DPP8: variants seen among roughly 807,000 people sequenced by gnomAD.
DPP8 encodes dipeptidyl peptidase 8, also known as DPP VIII.
In DPP8, 31 loss-of-function variants were observed where a neutral mutation model predicts 107.5. The ratio of observed to expected loss-of-function variants is 0.29; its 90% CI spans 0.22 to 0.39. The LOEUF (loss-of-function observed/expected upper bound fraction) is 0.39. DPP8 is among the 10% of genes least tolerant of loss of function. The pLI is 1.00. For synonymous variants in DPP8, 381 were observed against 356.6 expected, an observed-to-expected ratio of 1.07 and a Z score of -0.77; for missense variants, 842 against 1,076.1, an observed-to-expected ratio of 0.78 and a Z score of 3.04.
chr15:65,504,363 CAA>C (rs1180567373), intron 3 of DPP8, among the ~76,000 whole-genome samples: 12 of 84,186 alleles, frequency 1.4e-4, no homozygotes, highest in Admixed American at 2.8e-4. Flanking sequence ...AACTCCATCT[CAA>C]AAAAAAAAAA....
rs1326385783 is a variant in DPP8 at position 65,448,895 on chromosome 15, T to C, written c.2527-1889A>G. ...ATATATATATATATATATATATATA[T>C]ATATATATATATATATATATATATA... On this transcript the variant is annotated intron_variant, in intron 19 of 19. Coordinates refer to ENST00000300141, the MANE Select transcript of DPP8 (RefSeq NM_130434.5). Among the ~76,000 whole-genome samples the C allele has an allele frequency of 6.5e-3, 528 of 81,362 alleles. 52 individuals are homozygous for C. The highest frequency in any genetic ancestry group is 0.018 in the African/African-American group (379 of 20,862). The allele number at this position is 81,362 out of a possible 152,430, so 53.4% of individuals were successfully genotyped here.
intron 8 of DPP8, among the ~76,000 whole-genome samples, chr15:65,482,241 G>C (rs1211493638): frequency 1.3e-5 from 2 of 151,882 alleles, no homozygotes; most frequent in African/African-American, 4.8e-5. Flanking sequence ...TAGAGATGGA[G>C]TCTCCCTATG....
At chr15:65,455,489 C>T (rs1033268367) in intron 16 of DPP8, 1 of 234,520 alleles carries the variant, frequency 4.3e-6, no homozygotes. Context: ...CTCTTGAGGC[C>T]CTGTCTTCTT....
intron 16 of DPP8, chr15:65,455,867 A>G (rs1370469986): frequency 7.7e-7 from 1 of 1,295,128 alleles, no homozygotes; most frequent in South Asian, 1.2e-5. Context: ...GGCTTGTCAC[A>G]AGGAAGGCAC....
Position 65,458,253 on chromosome 15 carries a change from T to C in DPP8, c.1972-1882A>G, listed in dbSNP as rs147910725. Among the ~76,000 whole-genome samples the C allele has an allele frequency of 3.5e-3, 530 of 151,318 alleles. 2 individuals carry two copies. Among genetic ancestry groups the C allele is most frequent in the Admixed American group, 4.0e-3 (61 of 15,272 alleles). On this transcript the variant is annotated intron_variant, in intron 15 of 19. Transcript: ENST00000300141. ...GCACATTCTAGGAAACATAAGTATT[T>C]GTTACACAAACTTTTTTTGTTTTTT...
At position 65,471,074 on chromosome 15, in the gene DPP8, T is replaced by C. The variant is rs556781892; in HGVS notation, c.1536+3135A>G. Reference sequence around the variant, plus strand: ...GATCAGATGTATGCAATTACAATTATTGGGGTTCCCTCAGCATTATGTAAT... The same window carrying C: ...GATCAGATGTATGCAATTACAATTACTGGGGTTCCCTCAGCATTATGTAAT... On this transcript the variant is annotated intron_variant, in intron 12 of 19. Transcript: ENST00000300141. Among the ~76,000 whole-genome samples, 16 of 152,330 alleles carry C rather than the reference T, an allele frequency of 1.1e-4. 1 individual carries two copies. The highest frequency in any genetic ancestry group is 6.2e-4 in the South Asian group (3 of 4,824).
chr15:65,481,967 AAT>A (rs34958127), intron 8 of DPP8, among the ~76,000 whole-genome samples: 38,735 of 148,734 alleles, frequency 0.26, 6,509 homozygotes, highest in African/African-American at 0.49. Flanking sequence ...TTCACCTAGA[AAT>A]ATATATATAT....
At chr15:65,480,474 T>G (rs2066820704) in intron 9 of DPP8, 75 bp from the exon 10 acceptor site, 1 of 1,053,110 alleles carries the variant, frequency 9.5e-7, no homozygotes, top group Non-Finnish European at 1.4e-6. Context: ...TTATCTCCTT[T>G]GGCACCTATC....
At chr15:65,513,636 T>C (rs2071080796) in intron 1 of DPP8, among the ~76,000 whole-genome samples, 2 of 152,262 alleles carry the variant, frequency 1.3e-5, no homozygotes, top group African/African-American at 4.8e-5. Flanking sequence ...AAGTAGTTGA[T>C]ACAGAAAGCA....
In DPP8 at chr15:65,495,991, C is replaced by CT. The variant is rs1182608384; in HGVS notation, c.715+1872dup. ...TTAACAATGATTTTCTTTCTTTTTT[C>CT]TTTTTTTTTTTAGACGGAGTGTCCC... On this transcript the variant is annotated intron_variant, in intron 5 of 19. Transcript: ENST00000300141. Among the ~76,000 whole-genome samples the CT allele has an allele frequency of 7.2e-3, 1,046 of 145,066 alleles. 9 individuals are homozygous for CT. Among genetic ancestry groups the CT allele is most frequent in the Admixed American group, 8.1e-3 (117 of 14,458 alleles).
At chr15:65,461,886 A>C (rs574807670) in intron 15 of DPP8, among the ~76,000 whole-genome samples, 34 of 150,082 alleles carry the variant, frequency 2.3e-4, no homozygotes, top group African/African-American at 6.8e-4. Flanking sequence ...GGCTTGAGCC[A>C]TCGCGCACAG....
chr15:65,493,499 A>G (rs1173629099), intron 5 of DPP8, among the ~76,000 whole-genome samples: 1 of 152,182 alleles, frequency 6.6e-6, no homozygotes, highest in African/African-American at 2.4e-5. Context: ...ATGAATAGGC[A>G]CACTACACAG....
Position 65,451,993 on chromosome 15 carries a change from G to C in DPP8, c.2381C>G (p.Ser794Cys). ...GAACTTTTCTGCTTGCATGGCCACA[G>C]ATCCTAAGTAATAGCCCTGTTCATT... ...DQNEQGYYLG[S>C]VAMQAEKFPS... The change falls in exon 18 of 20, where the codon TCT (serine) becomes TGT (cysteine). Residue 794 changes from serine to cysteine, a missense_variant. Ser to Cys is a moderately radical substitution (Grantham distance 112). Around this residue, in one of 2 missense-constraint regions of DPP8, gnomAD observed 179 missense variants for 318.0 expected, o/e 0.56. Transcript: ENST00000300141. 2.5e-6 allele frequency: 4 copies of C among 1,608,770 alleles called. No homozygotes were observed. Among genetic ancestry groups the C allele is most frequent in the Non-Finnish European group, 3.4e-6 (4 of 1,178,124 alleles).
In DPP8 at chr15:65,454,391, C is replaced by G. The variant is rs778351830; in HGVS notation, c.2143G>C (p.Val715Leu). The stretch of plus-strand genomic sequence containing the variant: ...GAAGCTAGATATTGGAGTCCTTCCA[C>G]CTGATCGTCAATTTCTATTTGACCC... ...KMGQIEIDDQVEGLQYLASRY... is the reference protein window; with the variant it reads ...KMGQIEIDDQLEGLQYLASRY... Residue 715 changes from valine to leucine, a missense_variant, in exon 17 of 20, where the codon GTG (valine) becomes CTG (leucine). This residue lies in a region of DPP8 where 179 missense variants were observed against 318.0 expected (regional missense o/e 0.56). Coordinates refer to ENST00000300141, the MANE Select transcript of DPP8 (RefSeq NM_130434.5). 6.3e-7 allele frequency: 1 copy of G among 1,598,042 alleles called. No individual in the cohort carries two copies. Among genetic ancestry groups the G allele is most frequent in the East Asian group, 2.3e-5 (1 of 43,812 alleles).
At chr15:65,515,635 A>T in intron 1 of DPP8, 1 of 1,610,770 alleles carries the variant, frequency 6.2e-7, no homozygotes, top group South Asian at 1.1e-5. Flanking sequence ...TCGTCACTTA[A>T]GTAGTTTCCC....
intron 15 of DPP8, among the ~76,000 whole-genome samples, chr15:65,457,446 C>T (rs527521658): frequency 6.6e-6 from 1 of 152,064 alleles, no homozygotes; most frequent in African/African-American, 2.4e-5. Flanking sequence ...CTCAGTGCTG[C>T]CTCAAATTCC....
intron 14 of DPP8, among the ~76,000 whole-genome samples, chr15:65,465,717 G>A (rs762273868): frequency 7.3e-5 from 11 of 151,170 alleles, no homozygotes; most frequent in South Asian, 4.2e-4. Flanking sequence ...CACCACACCC[G>A]GCTAATTTTT....
chr15:65,490,546 T>TAA (rs34713647), intron 5 of DPP8, among the ~76,000 whole-genome samples: 30,835 of 152,014 alleles, frequency 0.2, 4,151 homozygotes, highest in East Asian at 0.73. Flanking sequence ...AAGATTAAAT[T>TAA]AATTAATTCA....
intron 3 of DPP8, 53 bp from the exon 4 acceptor site, chr15:65,500,832 C>T: frequency 1.5e-5 from 19 of 1,270,712 alleles, no homozygotes; most frequent in South Asian, 4.4e-5. Flanking sequence ...CCATCTTTTG[C>T]TTTTAGCACT....
Sources: gnomAD v4.1 joint callset for allele counts (sites outside exome capture counted in the v4.1 genomes callset) on GRCh38, gnomAD v4.1.1 for gene constraint, gnomAD v4.1.1 regional missense constraint, MANE v1.5 for transcripts, NCBI Gene and HGNC (gene_info 2026-07-23, HGNC 2026-07-21) for gene names.